MTG2: variants seen among roughly 807,000 people sequenced by gnomAD.
MTG2 encodes the protein mitochondrial ribosome-associated GTPase 2.
Under a neutral mutation model 28.6 loss-of-function variants are expected in MTG2, and 23 were observed. That is an observed-to-expected ratio of 0.80 (90% CI 0.58 to 1.14). The LOEUF (loss-of-function observed/expected upper bound fraction) is 1.14, where lower values mean the gene tolerates loss of function less well. MTG2 is among the 50% of genes most tolerant of loss of function. MTG2 has a pLI of 0.00. For missense variants in MTG2, 539 were observed against 552.0 expected (o/e 0.98, Z 0.24); for synonymous variants, 260 against 251.8 (o/e 1.03, Z -0.31).
rs2058180287 is a variant in MTG2, at chr20:62,202,017, CCAG to C, written c.*941_*943del. ...ATTTAAAGAGAACCCTTGTGCTACGCCAGGCAGTTACCGAGCCGAAGGGAGATG... is the reference window on the plus strand; with the variant it reads ...ATTTAAAGAGAACCCTTGTGCTACGCGCAGTTACCGAGCCGAAGGGAGATG... On this transcript the variant is annotated 3_prime_UTR_variant, in exon 7 of 7. Transcript: ENST00000370823. 1.3e-5 allele frequency: 2 copies of C among 152,240 alleles called. No individual in the cohort carries two copies. Among genetic ancestry groups the C allele is most frequent in the South Asian group, 4.1e-4 (2 of 4,832 alleles). The allele number at this position is 152,240 out of a possible 1,614,324, so 9.4% of individuals were successfully genotyped here.
intron 1 of MTG2, among the ~76,000 whole-genome samples, chr20:62,184,373 A>T (rs1402284521): frequency 6.6e-6 from 1 of 152,146 alleles, no homozygotes; most frequent in Non-Finnish European, 1.5e-5. Flanking sequence ...CATACCCAAA[A>T]AAAAAAAATC....
intron 6 of MTG2, chr20:62,200,248 A>G (rs780467982): frequency 2.6e-4 from 41 of 156,522 alleles, no homozygotes; most frequent in South Asian, 8.2e-4. Context: ...CAATACACCC[A>G]TTAAAAATAG....
chr20:62,198,214 T>C, intron 4 of MTG2: 5 of 545,942 alleles, frequency 9.2e-6, no homozygotes, highest in Non-Finnish European at 1.6e-5. Context: ...AACGATTCTC[T>C]TTTAAAAAGA....
chr20:62,191,569 C>T (rs551759551), intron 1 of MTG2, among the ~76,000 whole-genome samples: 10 of 152,166 alleles, frequency 6.6e-5, no homozygotes, highest in Non-Finnish European at 1.5e-4. Context: ...GGAGGTGGCA[C>T]CTTTTCAGAG....
intron 3 of MTG2, chr20:62,197,104 A>T (rs58876881): frequency 0.23 from 34,676 of 151,658 alleles, 4,144 homozygotes; most frequent in South Asian, 0.39. Flanking sequence ...CACCCAAAAA[A>T]GCAACTTTGA....
At chr20:62,190,681 A>G (rs557341040) in intron 1 of MTG2, among the ~76,000 whole-genome samples, 11 of 152,226 alleles carry the variant, frequency 7.2e-5, no homozygotes, top group Admixed American at 4.6e-4. Context: ...CTGGACCAGA[A>G]GAAGGACGCT....
chr20:62,197,855 AC>A lies in MTG2; in HGVS notation c.358del (p.Gln120SerfsTer44). The stretch of plus-strand genomic sequence containing the variant: ...GAGATTCTTGTTCTTGCTTTAGTTG[AC>A]CAGCAAGTCAAGTCCCTGTCGTCGG... Reference protein sequence around the residue: ...GNGGHVILRVDQQVKSLSSVL... With the variant: ...GNGGHVILRVXQQVKSLSSVL... On this transcript the variant is annotated frameshift_variant, in exon 4 of 7. Transcript: ENST00000370823. LOFTEE classifies it high-confidence loss of function. 1 of 1,613,928 alleles carries A rather than the reference AC, an allele frequency of 6.2e-7. No individual in the cohort carries two copies. Among genetic ancestry groups the A allele is most frequent in the Non-Finnish European group, 8.5e-7 (1 of 1,179,790 alleles).
chr20:62,198,991 G>A, intron 5 of MTG2, 128 bp from the exon 6 acceptor site: 1 of 1,538,604 alleles, frequency 6.5e-7, no homozygotes, highest in Non-Finnish European at 8.9e-7. Flanking sequence ...TGCTGACTTG[G>A]TCGTGAGCAT....
chr20:62,187,668 A>G (rs2057874644), intron 1 of MTG2, among the ~76,000 whole-genome samples: 1 of 152,138 alleles, frequency 6.6e-6, no homozygotes, highest in Non-Finnish European at 1.5e-5. Context: ...GCTGTCTGTA[A>G]GGTGTGTCCT....
chr20:62,186,517 CT>C (rs573270385), intron 1 of MTG2, among the ~76,000 whole-genome samples: 24,665 of 127,530 alleles, frequency 0.19, 2,563 homozygotes, highest in African/African-American at 0.31. Flanking sequence ...TTCCCTGGGA[CT>C]TTTTTTTTTG....
chr20:62,199,670 T>C (rs1296704436), intron 6 of MTG2, among the ~76,000 whole-genome samples: 1 of 149,222 alleles, frequency 6.7e-6, no homozygotes, highest in East Asian at 2.0e-4. Flanking sequence ...AAAAGTAGCA[T>C]TGTTTTTCCT....
intron 1 of MTG2, among the ~76,000 whole-genome samples, chr20:62,185,426 A>G (rs6142982): frequency 8.6e-6 from 1 of 116,928 alleles, no homozygotes; most frequent in Non-Finnish European, 1.8e-5. Context: ...AAATAAAAAT[A>G]AAAAATAAAA....
intron 4 of MTG2, 136 bp from the exon 5 acceptor site, chr20:62,198,498 G>A: frequency 2.3e-6 from 2 of 877,830 alleles, no homozygotes; most frequent in Non-Finnish European, 3.6e-6. Flanking sequence ...GTTGGCAGAG[G>A]TGAGTGGGGC....
Position 62,200,885 on chromosome 20 carries a change from C to G in MTG2, c.1029C>G (p.Val343=), listed in dbSNP as rs774733659. 5 of 1,614,022 alleles carry G rather than the reference C, an allele frequency of 3.1e-6. No homozygotes were observed. Among genetic ancestry groups the G allele is most frequent in the Non-Finnish European group, 4.2e-6 (5 of 1,180,032 alleles). The change falls in exon 7 of 7, where the codon GTC becomes GTG. Residue 343 remains valine (V), a synonymous_variant. Transcript: ENST00000370823. ...KGLSARPHAI[V]ANKIDLPEAQ... Reference sequence around the variant, plus strand: ...TGTCTGCGAGGCCCCACGCAATCGTCGCAAACAAGATTGACCTCCCTGAAG... The same window carrying G: ...TGTCTGCGAGGCCCCACGCAATCGTGGCAAACAAGATTGACCTCCCTGAAG...
chr20:62,190,350 T>C (rs2057932701), intron 1 of MTG2, among the ~76,000 whole-genome samples: 1 of 152,240 alleles, frequency 6.6e-6, no homozygotes. Context: ...TCTACAGTCT[T>C]ACATATTTAA....
intron 3 of MTG2, among the ~76,000 whole-genome samples, chr20:62,197,054 A>AT (rs1450384277): frequency 6.6e-6 from 1 of 151,820 alleles, no homozygotes; most frequent in African/African-American, 2.4e-5. Context: ...AACATAAAAC[A>AT]TAAAAAAAAA....
Position 62,201,042 on chromosome 20 carries a change from G to C in MTG2, c.1186G>C (p.Glu396Gln). 6.2e-7 allele frequency: 1 copy of C among 1,603,552 alleles called. No individual in the cohort carries two copies. Among genetic ancestry groups the C allele is most frequent in the Non-Finnish European group, 8.5e-7 (1 of 1,176,538 alleles). ...KVLYDAYAEA[E>Q]LGQGRQPLRW ...GCTGTATGACGCCTACGCGGAGGCC[G>C]AGCTGGGCCAGGGCCGCCAGCCGCT... Residue 396 changes from glutamate to glutamine, a missense_variant, in exon 7 of 7, where the codon GAG becomes CAG. Physicochemically the swap from Glu to Gln is conservative, Grantham distance 29 (BLOSUM62 2). Transcript: ENST00000370823.
intron 2 of MTG2, among the ~76,000 whole-genome samples, chr20:62,194,208 A>G (rs1046112220): frequency 1.3e-5 from 2 of 152,162 alleles, no homozygotes; most frequent in Non-Finnish European, 2.9e-5. Context: ...AAAACCTCCT[A>G]TTTAAAGCAT....
intron 1 of MTG2, 61 bp downstream of exon 1, chr20:62,183,118 A>G (rs985367385): frequency 6.6e-6 from 1 of 150,764 alleles, no homozygotes; most frequent in Non-Finnish European, 1.5e-5. Flanking sequence ...GCCCGGGCGC[A>G]AGGAGGGGCC....
Sources: gnomAD v4.1 joint callset for allele counts (sites outside exome capture counted in the v4.1 genomes callset) on GRCh38, gnomAD v4.1.1 for gene constraint, MANE v1.5 for transcripts, NCBI Gene and HGNC (gene_info 2026-07-23, HGNC 2026-07-21) for gene names.